The following PLXDC1 variants were observed in gnomAD, a reference collection of about 807,000 sequenced individuals.
PLXDC1 encodes the protein plexin domain containing 1, also known as plexin domain-containing protein 1.
A neutral mutation model predicts 61.3 loss-of-function variants in PLXDC1; 39 were observed. The observed-to-expected ratio is 0.64, with a 90% CI of 0.49 to 0.83. The LOEUF (loss-of-function observed/expected upper bound fraction) is 0.83. Ranked by LOEUF, PLXDC1 falls within the 40% of genes least tolerant of loss-of-function variation. The pLI, the probability that PLXDC1 is intolerant of heterozygous loss-of-function variation, is 0.00. For missense variants in PLXDC1, 596 were observed against 666.5 expected (o/e 0.89, Z 1.17); for synonymous variants, 212 against 254.5 (o/e 0.83, Z 1.59).
At chr17:39,087,808 A>T in intron 7 of PLXDC1, 106 bp from the exon 8 acceptor site, 1 of 740,900 alleles carries the variant, frequency 1.3e-6, no homozygotes, top group Non-Finnish European at 2.3e-6. Context: ...TGAAGGCAGT[A>T]AGTGCACCCA....
intron 7 of PLXDC1, among the ~76,000 whole-genome samples, chr17:39,097,644 G>C (rs7217894): frequency 6.6e-6 from 1 of 151,450 alleles, no homozygotes; most frequent in Admixed American, 6.6e-5. Flanking sequence ...TGCTTTGGGA[G>C]GCCAAAGCCA....
chr17:39,105,113 G>T (rs1910549098), intron 7 of PLXDC1, among the ~76,000 whole-genome samples: 1 of 152,290 alleles, frequency 6.6e-6, no homozygotes, highest in African/African-American at 2.4e-5. Flanking sequence ...GCAGACAAAG[G>T]CTCCTCCCCA....
At chr17:39,071,884 G>C (rs548282385) in intron 12 of PLXDC1, 1 of 157,124 alleles carries the variant, frequency 6.4e-6, no homozygotes, top group Admixed American at 6.0e-5. Context: ...TGCCGCAAAG[G>C]CCTGAGCTGG....
intron 7 of PLXDC1, among the ~76,000 whole-genome samples, chr17:39,103,845 C>CAAAA (rs11370520): frequency 1.7e-5 from 2 of 116,584 alleles, no homozygotes; most frequent in Non-Finnish European, 1.7e-5. Context: ...GACTCTGTCT[C>CAAAA]AAAAAAAAAA....
At chr17:39,143,750 G>T (rs561604495) in intron 1 of PLXDC1, among the ~76,000 whole-genome samples, 1 of 152,370 alleles carries the variant, frequency 6.6e-6, no homozygotes, top group African/African-American at 2.4e-5. Context: ...ACCAGATGCT[G>T]CTGGAGCACG....
At chr17:39,131,808 GC>G in intron 2 of PLXDC1, 1 of 152,744 alleles carries the variant, frequency 6.5e-6, no homozygotes, top group Non-Finnish European at 1.5e-5. Context: ...AGCACTGCTT[GC>G]CCCCTGTGGT....
intron 1 of PLXDC1, among the ~76,000 whole-genome samples, chr17:39,149,347 C>T (rs568873618): frequency 6.6e-5 from 10 of 152,086 alleles, no homozygotes; most frequent in Non-Finnish European, 1.0e-4. Flanking sequence ...TCAATCAGGT[C>T]AGGCTGCCCC....
Position 39,079,044 on chromosome 17 carries a change from C to T in PLXDC1, c.1050+60G>A. The T allele has an allele frequency of 7.2e-6, 10 of 1,388,986 alleles. No homozygotes were observed. In the South Asian group the frequency reaches 1.0e-4, roughly 14 times the overall value. 86.0% of individuals were successfully genotyped at this position (1,388,986 alleles called of 1,614,324 possible). ...AGTTTCCAGGGGCAGGCCCTACTGG[C>T]TGCCCTCCTGTTCCCCACCACCTGG... is the stretch of plus-strand genomic sequence containing the variant. On this transcript the variant is annotated intron_variant, in intron 10 of 13. Transcript: ENST00000315392.
chr17:39,118,627 T>C (rs539530706), intron 2 of PLXDC1, among the ~76,000 whole-genome samples: 2 of 152,324 alleles, frequency 1.3e-5, no homozygotes, highest in East Asian at 3.9e-4. Context: ...GGATGCTCCA[T>C]CCCCATCCCA....
intron 8 of PLXDC1, among the ~76,000 whole-genome samples, chr17:39,084,151 C>T (rs1909660981): frequency 6.6e-6 from 1 of 152,204 alleles, no homozygotes; most frequent in Non-Finnish European, 1.5e-5. Context: ...AGACATTATA[C>T]TTTCAGGTGT....
chr17:39,109,501 C>G, intron 2 of PLXDC1, 110 bp from the exon 3 acceptor site: 1 of 1,328,016 alleles, frequency 7.5e-7, no homozygotes, highest in Non-Finnish European at 1.0e-6. Flanking sequence ...TCACCACCCT[C>G]CCAGGGTGCT....
At chr17:39,143,939 G>T (rs566447734) in intron 1 of PLXDC1, among the ~76,000 whole-genome samples, 1 of 152,310 alleles carries the variant, frequency 6.6e-6, no homozygotes, top group Non-Finnish European at 1.5e-5. Flanking sequence ...TTTGTGCTGG[G>T]CTGGTCTGCC....
At chr17:39,145,602 C>T (rs2045335551) in intron 1 of PLXDC1, among the ~76,000 whole-genome samples, 1 of 152,126 alleles carries the variant, frequency 6.6e-6, no homozygotes, top group Non-Finnish European at 1.5e-5. Context: ...CATCCTGTCC[C>T]ACAGGCTGAG....
chr17:39,143,453 G>A (rs1238331820), intron 1 of PLXDC1, among the ~76,000 whole-genome samples: 1 of 152,186 alleles, frequency 6.6e-6, no homozygotes. Flanking sequence ...GTAGATTTGA[G>A]TTCCCCCAGG....
At chr17:39,069,198 T>C (rs1413671800) in intron 13 of PLXDC1, among the ~76,000 whole-genome samples, 1 of 152,190 alleles carries the variant, frequency 6.6e-6, no homozygotes, top group East Asian at 1.9e-4. Flanking sequence ...CTCAAACCAC[T>C]GGGCTCAAGG....
intron 7 of PLXDC1, among the ~76,000 whole-genome samples, chr17:39,099,317 G>A (rs528120393): frequency 2.2e-4 from 33 of 152,288 alleles, no homozygotes; most frequent in Admixed American, 1.5e-3. Context: ...AGATGCTACC[G>A]GGGATCTGAC....
chr17:39,098,001 C>G (rs1910279867), intron 7 of PLXDC1, among the ~76,000 whole-genome samples: 1 of 150,776 alleles, frequency 6.6e-6, no homozygotes, highest in South Asian at 2.1e-4. Context: ...GGTCAGAGTT[C>G]AGGACCAGCC....
At chr17:39,106,684 C>G (rs1486626049) in intron 6 of PLXDC1, among the ~76,000 whole-genome samples, 1 of 134,096 alleles carries the variant, frequency 7.5e-6, no homozygotes, top group Non-Finnish European at 1.5e-5. Flanking sequence ...GATTCTCACT[C>G]TGTTGCCCAG....
chr17:39,079,138 C>T lies in PLXDC1; in HGVS notation c.1016G>A (p.Arg339His), dbSNP rs200381999. The T allele has an allele frequency of 8.7e-6, 14 of 1,613,884 alleles. No individual in the cohort carries two copies. The highest frequency in any genetic ancestry group is 2.7e-5 in the African/African-American group (2 of 75,046). ...QRCSSGFDRYRQEWMDYGCAQ... is the reference protein window; with the variant it reads ...QRCSSGFDRYHQEWMDYGCAQ... Reference sequence around the variant, plus strand: ...ACAGCCATAGTCCATCCACTCCTGGCGATAGCGGTCAAAGCCACTGGAGCA... The same window carrying T: ...ACAGCCATAGTCCATCCACTCCTGGTGATAGCGGTCAAAGCCACTGGAGCA... Residue 339 changes from arginine to histidine, a missense_variant, in exon 10 of 14, where the codon CGC (arginine) becomes CAC (histidine). Coordinates refer to ENST00000315392, the MANE Select transcript of PLXDC1 (RefSeq NM_020405.5).
Sources: gnomAD v4.1 joint callset for allele counts (sites outside exome capture counted in the v4.1 genomes callset) on GRCh38, gnomAD v4.1.1 for gene constraint, MANE v1.5 for transcripts, NCBI Gene and HGNC (gene_info 2026-07-23, HGNC 2026-07-21) for gene names.